The following CD99L2 variants were observed in gnomAD, a reference collection of about 807,000 sequenced individuals.
The protein encoded by CD99L2 is CD99 molecule like 2.
A neutral mutation model predicts 27.3 loss-of-function variants in CD99L2; 24 were observed. That is an observed-to-expected ratio of 0.88 (90% CI 0.64 to 1.24). The LOEUF (loss-of-function observed/expected upper bound fraction) is 1.24, where lower values mean the gene tolerates loss of function less well. Among genes scored for constraint, CD99L2 ranks in the 50% most tolerant of loss-of-function variants. The pLI is 0.00. For missense variants in CD99L2, 255 were observed against 221.6 expected, an observed-to-expected ratio of 1.15 and a Z score of -0.96; for synonymous variants, 97 against 87.9, an observed-to-expected ratio of 1.10 and a Z score of -0.58.
chrX:150,847,179 T>A (rs782256186), intron 1 of CD99L2, among the ~76,000 whole-genome samples: 1 of 112,404 alleles, frequency 8.9e-6, no homozygotes, highest in African/African-American at 3.2e-5. Flanking sequence ...AGGAAGCATG[T>A]CCTGAATTGG....
chrX:150,836,348 A>AT (rs113158535), intron 1 of CD99L2, among the ~76,000 whole-genome samples: 29,047 of 106,731 alleles, frequency 0.27, 3,300 homozygotes, highest in African/African-American at 0.38. Flanking sequence ...ATTTAGCTTA[A>AT]TTTTTTTTTT....
Position 150,879,750 on chromosome X carries a change from T to TAAAA in CD99L2, c.67+18768_67+18771dup, listed in dbSNP as rs60706288. On this transcript the variant is annotated intron_variant, in intron 1 of 10. Transcript: ENST00000370377. ...GGCGAAACCCTGTCTCTACAAAAACTAAAAAAAAAAAAAAAAAAAAAAAAA... is the reference window on the plus strand; with the variant it reads ...GGCGAAACCCTGTCTCTACAAAAACTAAAAAAAAAAAAAAAAAAAAAAAAAAAAA... Among the ~76,000 whole-genome samples, 21 of 19,383 alleles carry TAAAA rather than the reference T, an allele frequency of 1.1e-3. 2 individuals are homozygous for TAAAA. Among genetic ancestry groups the TAAAA allele is most frequent in the African/African-American group, 4.2e-3 (18 of 4,322 alleles). 16.8% of individuals were successfully genotyped at this position (19,383 alleles called of 115,157 possible).
Position 150,793,723 on chromosome X carries a change from C to G in CD99L2, c.464G>C (p.Gly155Ala). The G allele has an allele frequency of 1.7e-6, 2 of 1,199,590 alleles. No homozygotes were observed. Among genetic ancestry groups the G allele is most frequent in the Non-Finnish European group, 2.2e-6 (2 of 890,027 alleles). The stretch of plus-strand genomic sequence containing the variant: ...CTTGTCAGGTTTGTATTCTCCACCC[C>G]CTACTATGTCTTCAAGATCCTTGTC... ...FSDKDLEDIV[G>A]GGEYKPDKGK... The change falls in exon 7 of 11, where the codon GGG (glycine) becomes GCG (alanine). Residue 155 changes from glycine to alanine, a missense_variant. Physicochemically the swap from Gly to Ala is moderately conservative, Grantham distance 60 (BLOSUM62 0). Coordinates refer to ENST00000370377, the MANE Select transcript of CD99L2 (RefSeq NM_031462.4).
intron 1 of CD99L2, among the ~76,000 whole-genome samples, chrX:150,877,100 T>C (rs1453976348): frequency 1.2e-5 from 1 of 86,649 alleles, no homozygotes; most frequent in African/African-American, 4.5e-5. Context: ...ATGGACAACA[T>C]AGCGAGACCC....
intron 1 of CD99L2, among the ~76,000 whole-genome samples, chrX:150,885,592 A>G (rs1557422610): frequency 3.6e-5 from 4 of 112,116 alleles, no homozygotes. Flanking sequence ...TCTTCTCTAC[A>G]CTTCTCCACA....
chrX:150,855,661 A>G (rs1208874732), intron 1 of CD99L2, among the ~76,000 whole-genome samples: 1 of 111,513 alleles, frequency 9.0e-6, no homozygotes, highest in East Asian at 2.8e-4. Context: ...TCCAAACCAT[A>G]TCACTGGTGT....
intron 1 of CD99L2, among the ~76,000 whole-genome samples, chrX:150,890,151 A>AAATAAATAAATAAAT (rs2047485649): frequency 1.0e-5 from 1 of 98,847 alleles, no homozygotes; most frequent in African/African-American, 4.0e-5. Flanking sequence ...ACTCCGTCTC[A>AAATAAATAAATAAAT]AAATAAATAA....
intron 4 of CD99L2, among the ~76,000 whole-genome samples, chrX:150,805,307 G>A (rs1557420204): frequency 9.0e-6 from 1 of 111,445 alleles, no homozygotes; most frequent in Non-Finnish European, 1.9e-5. Flanking sequence ...GCAGAATACT[G>A]GTGGCCAGGG....
intron 1 of CD99L2, among the ~76,000 whole-genome samples, chrX:150,857,390 AG>A (rs1484261941): frequency 9.0e-6 from 1 of 110,880 alleles, no homozygotes; most frequent in Non-Finnish European, 1.9e-5. Flanking sequence ...TCACCTATAA[AG>A]GAACCCCCAT....
At chrX:150,808,795 C>T (rs2046032504) in intron 4 of CD99L2, among the ~76,000 whole-genome samples, 1 of 111,387 alleles carries the variant, frequency 9.0e-6, no homozygotes, top group East Asian at 2.8e-4. Context: ...CCTGAGAAGA[C>T]ACTACAGGCA....
intron 2 of CD99L2, among the ~76,000 whole-genome samples, chrX:150,819,596 A>C (rs1557420623): frequency 8.9e-6 from 1 of 112,009 alleles, no homozygotes; most frequent in Non-Finnish European, 1.9e-5. Context: ...AAGATCAACA[A>C]AATTGATAAA....
At chrX:150,788,917 T>C (rs782300514) in intron 7 of CD99L2, among the ~76,000 whole-genome samples, 1 of 112,051 alleles carries the variant, frequency 8.9e-6, no homozygotes, top group Non-Finnish European at 1.9e-5. Context: ...TCATCAGCAA[T>C]TGATATTATC....
At chrX:150,895,175 A>G (rs2047586497) in intron 1 of CD99L2, among the ~76,000 whole-genome samples, 1 of 111,338 alleles carries the variant, frequency 9.0e-6, no homozygotes, top group South Asian at 3.8e-4. Flanking sequence ...GGCGAGGCAG[A>G]GGGCCTGGCA....
chrX:150,886,268 T>C (rs2047408010), intron 1 of CD99L2, among the ~76,000 whole-genome samples: 1 of 112,384 alleles, frequency 8.9e-6, no homozygotes, highest in Admixed American at 9.4e-5. Flanking sequence ...CACATAGCAA[T>C]ATATTTCAGC....
intron 4 of CD99L2, among the ~76,000 whole-genome samples, chrX:150,799,244 T>C (rs1187180015): frequency 2.7e-5 from 3 of 110,004 alleles, no homozygotes; most frequent in Non-Finnish European, 5.7e-5. Flanking sequence ...ATGCTTGTAA[T>C]CCCAGAACTT....
intron 1 of CD99L2, among the ~76,000 whole-genome samples, chrX:150,894,880 C>G (rs72612734): frequency 2.3e-4 from 26 of 111,354 alleles, no homozygotes; most frequent in Admixed American, 2.3e-3. Context: ...TGAGCCACTG[C>G]GCCCGGCCCC....
Position 150,898,505 on chromosome X carries a change from C to G in CD99L2, c.67+17G>C, listed in dbSNP as rs1369981186. ...GGGGTCCCCGCGCGGTCCCCGCGCG[C>G]CCCCCGCCCGCCTTACCTCGCTGGA... On this transcript the variant is annotated intron_variant, in intron 1 of 10. Transcript: ENST00000370377. 6 of 1,096,949 alleles carry G rather than the reference C, an allele frequency of 5.5e-6. No homozygotes were observed. In the African/African-American group the frequency reaches 9.8e-5, roughly 18 times the overall value. The allele number at this position is 1,096,949 out of a possible 1,213,427, so 90.4% of individuals were successfully genotyped here.
chrX:150,892,105 C>T (rs1012802230), intron 1 of CD99L2, among the ~76,000 whole-genome samples: 4 of 110,683 alleles, frequency 3.6e-5, no homozygotes, highest in African/African-American at 1.3e-4. Context: ...CCTGTAGTTC[C>T]AGCTACTCGG....
intron 4 of CD99L2, among the ~76,000 whole-genome samples, chrX:150,802,583 A>AT (rs781989087): frequency 0.15 from 13,051 of 84,854 alleles, 1,096 homozygotes; most frequent in South Asian, 0.21. Context: ...AGAAAAGACA[A>AT]TTTTTTTTTT....
Sources: allele counts gnomAD v4.1 joint callset (sites outside exome capture counted in the v4.1 genomes callset), GRCh38; gene constraint gnomAD v4.1.1; transcripts MANE v1.5; gene names NCBI Gene and HGNC (gene_info 2026-07-23, HGNC 2026-07-21).